Variants in UBAC2 observed in about 807,000 individuals in gnomAD.
The protein encoded by UBAC2 is UBA domain containing 2.
UBAC2 carries 26 observed loss-of-function variants against 44.0 expected under a neutral mutation model. The ratio of observed to expected loss-of-function variants is 0.59; its 90% CI spans 0.43 to 0.82. The LOEUF is 0.82. UBAC2 is among the 40% of genes least tolerant of loss of function. The pLI, the probability that UBAC2 is intolerant of heterozygous loss-of-function variation, is 0.00. For missense variants in UBAC2, 329 were observed against 419.4 expected, an observed-to-expected ratio of 0.78 and a Z score of 1.88; for synonymous variants, 155 against 154.3, an observed-to-expected ratio of 1.00 and a Z score of -0.04.
In UBAC2 at chr13:99,215,659, G is replaced by T. The variant is rs570891005; in HGVS notation, c.31+14720G>T. 270 of 1,433,908 alleles carry T rather than the reference G, an allele frequency of 1.9e-4. 1 individual carries two copies. The African/African-American group carries it at 3.5e-3, about 19-fold the overall frequency. The allele number at this position is 1,433,908 out of a possible 1,614,324, so 88.8% of individuals were successfully genotyped here. A position where few individuals can be genotyped will look rare whatever the true frequency, so the allele number is the denominator to read the frequency against. The stretch of plus-strand genomic sequence containing the variant: ...GTCGTCCTAGATTTCAGGTGTTGAT[G>T]AATACAGCCCTCTGGGAACTGCAAG... On this transcript the variant is annotated intron_variant, in intron 1 of 8. Transcript: ENST00000403766.
At chr13:99,324,510 ATC>A (rs2044611735) in intron 6 of UBAC2, among the ~76,000 whole-genome samples, 1 of 152,260 alleles carries the variant, frequency 6.6e-6, no homozygotes, top group South Asian at 2.1e-4. Context: ...CAGGAAAGAA[ATC>A]TTTGTTATAA....
intron 4 of UBAC2, among the ~76,000 whole-genome samples, chr13:99,280,833 C>T (rs111828813): frequency 4.1e-5 from 4 of 98,164 alleles, no homozygotes; most frequent in African/African-American, 1.6e-4. Context: ...TTCTTTCCCT[C>T]TCTCTCTCTC....
intron 4 of UBAC2, among the ~76,000 whole-genome samples, chr13:99,253,023 C>T (rs972869361): frequency 2.0e-5 from 3 of 151,030 alleles, no homozygotes; most frequent in Non-Finnish European, 4.4e-5. Flanking sequence ...CCTACATATC[C>T]AATACAAGAG....
At chr13:99,223,481 CTT>C (rs1467755142) in intron 1 of UBAC2, among the ~76,000 whole-genome samples, 1 of 141,552 alleles carries the variant, frequency 7.1e-6, no homozygotes, top group African/African-American at 2.6e-5. Context: ...GATTTCTACT[CTT>C]AATTATTTCT....
At chr13:99,218,850 A>C (rs1366678247) in intron 1 of UBAC2, among the ~76,000 whole-genome samples, 1 of 152,186 alleles carries the variant, frequency 6.6e-6, no homozygotes, top group African/African-American at 2.4e-5. Flanking sequence ...TAACGTGGTC[A>C]CCGAATCTAA....
intron 7 of UBAC2, among the ~76,000 whole-genome samples, chr13:99,354,395 A>G (rs1302290347): frequency 6.6e-6 from 1 of 152,242 alleles, no homozygotes; most frequent in African/African-American, 2.4e-5. Flanking sequence ...ACAGCTCATA[A>G]CTAGCTTAAG....
intron 4 of UBAC2, among the ~76,000 whole-genome samples, chr13:99,301,120 G>A (rs1180940406): frequency 2.0e-5 from 3 of 152,148 alleles, no homozygotes; most frequent in Non-Finnish European, 4.4e-5. Context: ...TCCTCATAAT[G>A]CATTCTAATG....
At chr13:99,356,175 C>T (rs1006309267) in intron 7 of UBAC2, 1 of 534,606 alleles carries the variant, frequency 1.9e-6, no homozygotes, top group African/African-American at 1.9e-5. Flanking sequence ...GGGTTGCATC[C>T]TAAGCTGTGC....
At chr13:99,264,261 C>T (rs2043709909) in intron 4 of UBAC2, among the ~76,000 whole-genome samples, 1 of 152,160 alleles carries the variant, frequency 6.6e-6, no homozygotes, top group South Asian at 2.1e-4. Flanking sequence ...GCCTAAATCT[C>T]CCCTGAGGCT....
At chr13:99,293,474 A>G (rs1057414868) in intron 4 of UBAC2, among the ~76,000 whole-genome samples, 1 of 152,150 alleles carries the variant, frequency 6.6e-6, no homozygotes, top group Non-Finnish European at 1.5e-5. Flanking sequence ...GTTCCTCTTT[A>G]GAGATCCAAC....
chr13:99,239,092 T>C (rs1326787821), intron 2 of UBAC2, among the ~76,000 whole-genome samples: 1 of 152,238 alleles, frequency 6.6e-6, no homozygotes, highest in East Asian at 1.9e-4. Context: ...GTCTATGAAT[T>C]GGAGTGTTCA....
chr13:99,337,126 GT>G (rs2044800705), intron 6 of UBAC2, among the ~76,000 whole-genome samples: 1 of 152,160 alleles, frequency 6.6e-6, no homozygotes, highest in Admixed American at 6.5e-5. Context: ...CCAACATGGT[GT>G]TTTTAAAATG....
chr13:99,308,351 C>T (rs2044366786), intron 4 of UBAC2, among the ~76,000 whole-genome samples: 1 of 152,086 alleles, frequency 6.6e-6, no homozygotes, highest in South Asian at 2.1e-4. Context: ...GGCATAGGGT[C>T]ATTATCCTTA....
chr13:99,265,601 C>T (rs2043732515), intron 4 of UBAC2, among the ~76,000 whole-genome samples: 1 of 152,170 alleles, frequency 6.6e-6, no homozygotes, highest in Non-Finnish European at 1.5e-5. Context: ...TCTTCTTGTT[C>T]TCGTTTTGTG....
At chr13:99,383,026 G>A (rs1198206427) in intron 8 of UBAC2, among the ~76,000 whole-genome samples, 1 of 152,256 alleles carries the variant, frequency 6.6e-6, no homozygotes, top group African/African-American at 2.4e-5. Flanking sequence ...ATCAAGAGCT[G>A]TGGCATTGTG....
intron 1 of UBAC2, among the ~76,000 whole-genome samples, chr13:99,233,760 A>C (rs747980078): frequency 9.9e-5 from 15 of 152,208 alleles, no homozygotes; most frequent in Admixed American, 2.0e-4. Flanking sequence ...AATTATCATT[A>C]TGTAAACCCT....
intron 4 of UBAC2, among the ~76,000 whole-genome samples, chr13:99,297,084 T>C (rs761133860): frequency 4.6e-5 from 7 of 152,234 alleles, no homozygotes; most frequent in Non-Finnish European, 5.9e-5. Context: ...ATGCATAATT[T>C]GCTTAGCTAC....
At chr13:99,214,085 C>T (rs898209427) in intron 1 of UBAC2, among the ~76,000 whole-genome samples, 1 of 152,216 alleles carries the variant, frequency 6.6e-6, no homozygotes, top group African/African-American at 2.4e-5. Context: ...TCCCAAAGTG[C>T]TGGGATTACA....
intron 4 of UBAC2, among the ~76,000 whole-genome samples, 157 bp downstream of exon 4, chr13:99,244,781 T>G (rs1286531738): frequency 6.6e-6 from 1 of 152,166 alleles, no homozygotes; most frequent in Non-Finnish European, 1.5e-5. Flanking sequence ...GCCTACATTT[T>G]TATTATGTTC....
Sources: gnomAD v4.1 joint callset for allele counts (sites outside exome capture counted in the v4.1 genomes callset) on GRCh38, gnomAD v4.1.1 for gene constraint, MANE v1.5 for transcripts, NCBI Gene and HGNC (gene_info 2026-07-23, HGNC 2026-07-21) for gene names.